Variants in ERGIC1 observed in about 807,000 individuals in gnomAD.
The protein encoded by ERGIC1 is endoplasmic reticulum-Golgi intermediate compartment protein 1.
Under a neutral mutation model 38.3 loss-of-function variants are expected in ERGIC1, and 19 were observed. The ratio of observed to expected loss-of-function variants is 0.50; its 90% CI spans 0.35 to 0.73. ERGIC1 has a LOEUF of 0.73. Among genes scored for constraint, ERGIC1 ranks in the 30% least tolerant of loss-of-function variants. The pLI is 0.01. For missense variants in ERGIC1, 294 were observed against 389.2 expected (o/e 0.76, Z 2.06); for synonymous variants, 124 against 157.6 (o/e 0.79, Z 1.60).
chr5:172,859,058 G>A (rs376181778), intron 1 of ERGIC1, among the ~76,000 whole-genome samples: 11 of 152,222 alleles, frequency 7.2e-5, no homozygotes, highest in South Asian at 4.1e-4. Context: ...GGTCGTCATC[G>A]GCGCCCTTAC....
chr5:172,859,477 A>T (rs1761642084), intron 1 of ERGIC1, among the ~76,000 whole-genome samples: 1 of 143,316 alleles, frequency 7.0e-6, no homozygotes, highest in African/African-American at 2.4e-5. Context: ...TTGCTTCCAG[A>T]CTGAAGGGTG....
intron 1 of ERGIC1, among the ~76,000 whole-genome samples, chr5:172,871,597 G>A (rs1250768500): frequency 6.6e-6 from 1 of 152,234 alleles, no homozygotes; most frequent in Non-Finnish European, 1.5e-5. Flanking sequence ...ATTTGTGTCT[G>A]ACCTCCGATG....
intron 9 of ERGIC1, among the ~76,000 whole-genome samples, chr5:172,942,857 T>G (rs1374215690): frequency 2.6e-5 from 4 of 152,168 alleles, no homozygotes; most frequent in Non-Finnish European, 2.9e-5. Context: ...TTCCAACACT[T>G]TGCTGACGGG....
chr5:172,897,088 T>A lies in ERGIC1; in HGVS notation c.155+14T>A. 1 of 1,612,582 alleles carries A rather than the reference T, an allele frequency of 6.2e-7. No homozygotes were observed. The highest frequency in any genetic ancestry group is 2.2e-5 in the East Asian group (1 of 44,874). On this transcript the variant is annotated intron_variant, in intron 3 of 9. Transcript: ENST00000393784. ...AACGACAGAAGTGTAAGTCATACTT[T>A]CCCGATGGGGCATTCCAGGATGTTC...
At chr5:172,927,958 T>C (rs957753482) in intron 7 of ERGIC1, among the ~76,000 whole-genome samples, 1 of 152,330 alleles carries the variant, frequency 6.6e-6, no homozygotes, top group Admixed American at 6.5e-5. Flanking sequence ...GCTTTCCAGC[T>C]GTGTCTGGTT....
At chr5:172,901,668 A>G (rs897002259) in intron 3 of ERGIC1, among the ~76,000 whole-genome samples, 9 of 152,146 alleles carry the variant, frequency 5.9e-5, no homozygotes, top group Non-Finnish European at 1.2e-4. Context: ...CAGTGGCTCA[A>G]TTATGGCTTA....
chr5:172,913,549 A>G (rs1249998888), intron 4 of ERGIC1, among the ~76,000 whole-genome samples: 1 of 152,230 alleles, frequency 6.6e-6, no homozygotes, highest in Non-Finnish European at 1.5e-5. Context: ...TCATCGAGGA[A>G]CACAGAGTTG....
chr5:172,936,251 G>A (rs951840738), intron 9 of ERGIC1: 1 of 152,178 alleles, frequency 6.6e-6, no homozygotes, highest in African/African-American at 2.4e-5. Context: ...GCCAGGAGTA[G>A]GTCTCTATCT....
intron 9 of ERGIC1, among the ~76,000 whole-genome samples, chr5:172,938,781 C>T (rs1763940440): frequency 7.1e-6 from 1 of 140,356 alleles, no homozygotes; most frequent in Non-Finnish European, 1.5e-5. Flanking sequence ...AAAAAGAAAT[C>T]GGCCGGGCAC....
intron 2 of ERGIC1, among the ~76,000 whole-genome samples, chr5:172,893,456 T>A (rs531161272): frequency 1.3e-5 from 2 of 152,192 alleles, no homozygotes; most frequent in South Asian, 2.1e-4. Context: ...CAACACTCCC[T>A]ATTTTGTGCC....
intron 1 of ERGIC1, among the ~76,000 whole-genome samples, chr5:172,886,188 C>T (rs1762413060): frequency 6.6e-6 from 1 of 152,144 alleles, no homozygotes; most frequent in Non-Finnish European, 1.5e-5. Context: ...CCCTCTCCTC[C>T]AGCCCCGCCC....
At chr5:172,939,313 A>G (rs1050905551) in intron 9 of ERGIC1, among the ~76,000 whole-genome samples, 1 of 152,226 alleles carries the variant, frequency 6.6e-6, no homozygotes, top group Admixed American at 6.5e-5. Context: ...AGAGGGCGCC[A>G]TCCCCTTTGT....
At chr5:172,929,359 T>G (rs1763726945) in intron 7 of ERGIC1, among the ~76,000 whole-genome samples, 1 of 152,170 alleles carries the variant, frequency 6.6e-6, no homozygotes, top group Non-Finnish European at 1.5e-5. Context: ...TGAATTTTTC[T>G]GTAAGAAGAT....
Position 172,834,635 on chromosome 5 carries a change from G to A in ERGIC1, c.20+202G>A, listed in dbSNP as rs1760990040. On this transcript the variant is annotated intron_variant, in intron 1 of 9. Coordinates refer to ENST00000393784, the MANE Select transcript of ERGIC1 (RefSeq NM_001031711.3). This position sits in a 1 kb window ranked among gnomAD's most constrained non-coding sequence, Gnocchi z 4.1. ...AGAGCCGCGGAGGCCCCCTCGTGCA[G>A]CGGGAGACAAATCCACCCACCTTCC... 7.4e-6 allele frequency among the ~76,000 whole-genome samples: 1 copy of A among 135,036 alleles called. No homozygotes were observed. Among genetic ancestry groups the A allele is most frequent in the Admixed American group, 8.1e-5 (1 of 12,370 alleles). The allele number at this position is 135,036 out of a possible 152,430, so 88.6% of individuals were successfully genotyped here. A position where few individuals can be genotyped will look rare whatever the true frequency, so the allele number is the denominator to read the frequency against.
intron 7 of ERGIC1, among the ~76,000 whole-genome samples, chr5:172,927,880 G>A (rs13159833): frequency 0.32 from 48,067 of 151,996 alleles, 8,090 homozygotes; most frequent in Non-Finnish European, 0.38. Flanking sequence ...AGTGTCTGTC[G>A]TTTCCTGTGT....
chr5:172,875,090 G>A (rs1762112070), intron 1 of ERGIC1, among the ~76,000 whole-genome samples: 1 of 152,170 alleles, frequency 6.6e-6, no homozygotes, highest in Non-Finnish European at 1.5e-5. Flanking sequence ...GCTGTTGAGT[G>A]GCAGAAAGTC....
chr5:172,914,183 C>A (rs1027753803), intron 4 of ERGIC1, among the ~76,000 whole-genome samples: 1 of 138,600 alleles, frequency 7.2e-6, no homozygotes, highest in East Asian at 2.1e-4. Context: ...TGCAGTGAGT[C>A]GAGAGCATGC....
chr5:172,935,200 T>TA lies in ERGIC1; in HGVS notation c.656dup (p.Tyr219Ter). ...YTVANKEYVA[Y>*]SHTGRIIPAI... is the part of the protein sequence containing the mutation. ...TCCTCTACCCCAGGAATACGTCGCC[T>TA]ACAGCCACACGGGCCGCATCATCCC... The change falls in exon 9 of 10, where the codon TAC (tyrosine) becomes TAAC (stop). Residue 219 changes from tyrosine to a stop codon, truncating the protein, a stop_gained and frameshift_variant. Coordinates refer to ENST00000393784, the MANE Select transcript of ERGIC1 (RefSeq NM_001031711.3). LOFTEE classifies it high-confidence loss of function. The TA allele has an allele frequency of 6.2e-7, 1 of 1,614,094 alleles. No homozygotes were observed. The highest frequency in any genetic ancestry group is 8.5e-7 in the Non-Finnish European group (1 of 1,180,014).
intron 3 of ERGIC1, chr5:172,906,057 T>C (rs1176871194): frequency 8.8e-6 from 4 of 456,146 alleles, no homozygotes; most frequent in South Asian, 1.5e-5. Flanking sequence ...TTATTTGGCC[T>C]AGGAAATCCA....
Sources: gnomAD v4.1 joint callset for allele counts (sites outside exome capture counted in the v4.1 genomes callset) on GRCh38, gnomAD v4.1.1 for gene constraint, Gnocchi (gnomAD v3.1) non-coding constraint, MANE v1.5 for transcripts, NCBI Gene and HGNC (gene_info 2026-07-23, HGNC 2026-07-21) for gene names.